The following CDA variants were observed in gnomAD, a reference collection of about 807,000 sequenced individuals.
CDA encodes the protein cytidine deaminase, also known as cytidine aminohydrolase.
CDA carries 7 observed loss-of-function variants against 15.0 expected under a neutral mutation model. The ratio of observed to expected loss-of-function variants is 0.47; its 90% CI spans 0.26 to 0.87. The LOEUF (loss-of-function observed/expected upper bound fraction) is 0.87, where lower values mean the gene tolerates loss of function less well. Ranked by LOEUF, CDA falls within the 40% of genes least tolerant of loss-of-function variation. The pLI is 0.15. For synonymous variants in CDA, 58 were observed against 73.0 expected, an observed-to-expected ratio of 0.79 and a Z score of 1.05; for missense variants, 159 against 182.7, an observed-to-expected ratio of 0.87 and a Z score of 0.75.
chr1:20,605,109 A>C, intron 2 of CDA, 70 bp downstream of exon 2: 1 of 845,006 alleles, frequency 1.2e-6, no homozygotes, highest in South Asian at 1.5e-5. Flanking sequence ...TACACATATT[A>C]TTCATTCATT....
chr1:20,602,079 C>T (rs1016447410), intron 1 of CDA, among the ~76,000 whole-genome samples: 1 of 150,080 alleles, frequency 6.7e-6, no homozygotes, highest in Non-Finnish European at 1.5e-5. Flanking sequence ...TATGATCATG[C>T]CACTGCACAC....
rs568052436 is a variant in CDA at position 20,599,647 on chromosome 1, T to TAAAATAAAATAAAATAAAATAAAAC, written c.155-5277_155-5276insTAAAATAAAATAAAATAAAACAAAA. Among the ~76,000 whole-genome samples the TAAAATAAAATAAAATAAAATAAAAC allele has an allele frequency of 1.1e-3, 168 of 146,968 alleles. 1 individual carries two copies. The highest frequency in any genetic ancestry group is 2.6e-3 in the East Asian group (13 of 5,088). On this transcript the variant is annotated intron_variant, in intron 1 of 3. Transcript: ENST00000375071. ...TAAAATAAAATAAAATAAAATAAAA[T>TAAAATAAAATAAAATAAAATAAAAC]AAAACAAAATAAAATAAAATAAAAA...
intron 2 of CDA, among the ~76,000 whole-genome samples, chr1:20,605,476 A>G (rs11801036): frequency 0.29 from 35,584 of 123,986 alleles, 5,697 homozygotes; most frequent in South Asian, 0.36. Flanking sequence ...TGGCTAACAC[A>G]GTGAAACCCC....
At chr1:20,604,639 T>C (rs1276511118) in intron 1 of CDA, among the ~76,000 whole-genome samples, 1 of 152,118 alleles carries the variant, frequency 6.6e-6, no homozygotes, top group Non-Finnish European at 1.5e-5. Flanking sequence ...GCAGGGGTGA[T>C]GGAGCTGCCT....
intron 1 of CDA, among the ~76,000 whole-genome samples, chr1:20,592,147 T>A (rs2052555588): frequency 1.3e-5 from 2 of 152,058 alleles, no homozygotes; most frequent in African/African-American, 4.8e-5. Context: ...GCTCACACAT[T>A]TTAAGCCAGG....
intron 1 of CDA, among the ~76,000 whole-genome samples, chr1:20,601,734 T>C (rs2052645981): frequency 6.6e-6 from 1 of 152,070 alleles, no homozygotes; most frequent in Non-Finnish European, 1.5e-5. Flanking sequence ...CCAGAAAATA[T>C]GTGAGGAAAA....
At chr1:20,596,174 T>C (rs961044980) in intron 1 of CDA, among the ~76,000 whole-genome samples, 18 of 152,066 alleles carry the variant, frequency 1.2e-4, no homozygotes, top group African/African-American at 4.3e-4. Flanking sequence ...TCTCATTACA[T>C]AGGCAAGCTT....
chr1:20,594,633 C>CA (rs1465965614), intron 1 of CDA, among the ~76,000 whole-genome samples: 3 of 151,530 alleles, frequency 2.0e-5, no homozygotes, highest in Admixed American at 1.3e-4. Context: ...ACTAAAAATA[C>CA]AAAAAATTAG....
intron 3 of CDA, 52 bp from the exon 4 acceptor site, chr1:20,618,400 C>T: frequency 9.7e-7 from 1 of 1,030,664 alleles, no homozygotes; most frequent in Non-Finnish European, 1.5e-6. Context: ...CAGTCCGTCT[C>T]AGCCCCCTCA....
intron 1 of CDA, among the ~76,000 whole-genome samples, chr1:20,599,153 C>T (rs2052616784): frequency 6.6e-6 from 1 of 152,104 alleles, no homozygotes; most frequent in Admixed American, 6.5e-5. Flanking sequence ...AAGAGAGTTC[C>T]AGGCAATGGG....
At chr1:20,602,667 G>A (rs112968431) in intron 1 of CDA, among the ~76,000 whole-genome samples, 16,934 of 152,076 alleles carry the variant, frequency 0.11, 1,137 homozygotes, top group African/African-American at 0.19. Context: ...TGATCCGCCC[G>A]CTTTGGCCTC....
intron 1 of CDA, among the ~76,000 whole-genome samples, chr1:20,602,880 G>A (rs2052659364): frequency 6.6e-6 from 1 of 152,204 alleles, no homozygotes; most frequent in South Asian, 2.1e-4. Flanking sequence ...GCCAACTCTG[G>A]CATTTTCCTA....
At chr1:20,589,798 TC>T (rs2052531729) in intron 1 of CDA, among the ~76,000 whole-genome samples, 1 of 152,078 alleles carries the variant, frequency 6.6e-6, no homozygotes, top group African/African-American at 2.4e-5. Context: ...CCTGCTCTCT[TC>T]CTTCCACCCA....
chr1:20,589,622 C>T (rs1324694903), intron 1 of CDA, among the ~76,000 whole-genome samples: 1 of 152,148 alleles, frequency 6.6e-6, no homozygotes. Context: ...ATGTCTGGCA[C>T]CTTACTGAGG....
chr1:20,615,112 G>A (rs186190578), intron 3 of CDA, among the ~76,000 whole-genome samples: 54 of 152,034 alleles, frequency 3.6e-4, no homozygotes, highest in Non-Finnish European at 6.0e-4. Flanking sequence ...TGCCCACCTC[G>A]GCCTCCCAAA....
intron 1 of CDA, among the ~76,000 whole-genome samples, chr1:20,597,458 G>T (rs1423707485): frequency 2.0e-5 from 3 of 152,126 alleles, no homozygotes; most frequent in Non-Finnish European, 4.4e-5. Context: ...AAAAAGAAGA[G>T]TCCATCGTAT....
chr1:20,603,330 G>T (rs970580558), intron 1 of CDA, among the ~76,000 whole-genome samples: 1 of 152,070 alleles, frequency 6.6e-6, no homozygotes, highest in Non-Finnish European at 1.5e-5. Context: ...TTCAGAGTAG[G>T]CCCCAGGCAA....
At chr1:20,590,076 G>A (rs2052535104) in intron 1 of CDA, among the ~76,000 whole-genome samples, 1 of 152,158 alleles carries the variant, frequency 6.6e-6, no homozygotes, top group African/African-American at 2.4e-5. Flanking sequence ...TCTCCTTCAG[G>A]GCAGTAGGGG....
chr1:20,610,274 ATT>A (rs1570385119), intron 2 of CDA, among the ~76,000 whole-genome samples: 1 of 120,910 alleles, frequency 8.3e-6, no homozygotes, highest in East Asian at 2.1e-4. Flanking sequence ...TTTTTTTTTT[ATT>A]TTATTTTATT....
Sources: allele counts gnomAD v4.1 joint callset (sites outside exome capture counted in the v4.1 genomes callset), GRCh38; gene constraint gnomAD v4.1.1; transcripts MANE v1.5; gene names NCBI Gene and HGNC (gene_info 2026-07-23, HGNC 2026-07-21).